Variants in BRINP3 observed in about 807,000 individuals in gnomAD.
BRINP3 encodes BMP/retinoic acid-inducible neural-specific protein 3.
In BRINP3, 19 loss-of-function variants were observed where a neutral mutation model predicts 71.0. The ratio of observed to expected loss-of-function variants is 0.27; its 90% CI spans 0.19 to 0.39. BRINP3 has a LOEUF of 0.39. Among genes scored for constraint, BRINP3 ranks in the 10% least tolerant of loss-of-function variants. The probability of loss-of-function intolerance (pLI) is 1.00; values close to 1 mark genes in which losing one functional copy is unlikely to be tolerated. For synonymous variants in BRINP3, 380 were observed against 337.7 expected (o/e 1.13, Z -1.37); for missense variants, 959 against 940.8 (o/e 1.02, Z -0.25).
intron 2 of BRINP3, among the ~76,000 whole-genome samples, chr1:190,381,004 C>A (rs1310343615): frequency 1.3e-5 from 2 of 151,786 alleles, no homozygotes; most frequent in East Asian, 1.9e-4. Flanking sequence ...AAATATGAGC[C>A]TCAAAAATAC....
intron 3 of BRINP3, among the ~76,000 whole-genome samples, chr1:190,270,493 C>A (rs900973855): frequency 3.3e-5 from 5 of 151,654 alleles, no homozygotes; most frequent in African/African-American, 1.2e-4. Context: ...GGAATATATT[C>A]TGAAGACGAA....
intron 2 of BRINP3, among the ~76,000 whole-genome samples, chr1:190,315,074 G>T (rs1395778169): frequency 2.0e-5 from 3 of 152,036 alleles, no homozygotes; most frequent in African/African-American, 7.2e-5. Flanking sequence ...AAGGGAGAGG[G>T]TAAACAAGAC....
intron 4 of BRINP3, among the ~76,000 whole-genome samples, chr1:190,235,082 TCTC>T (rs140013591): frequency 0.024 from 3,654 of 152,120 alleles, 71 homozygotes; most frequent in Non-Finnish European, 0.036. Context: ...ATTAGAAACT[TCTC>T]CTTTCTCAAC....
At chr1:190,189,765 G>A (rs1290426509) in intron 6 of BRINP3, among the ~76,000 whole-genome samples, 1 of 151,544 alleles carries the variant, frequency 6.6e-6, no homozygotes, top group Non-Finnish European at 1.5e-5. Context: ...CATTTCTTTA[G>A]GCCATATTAT....
In BRINP3 at chr1:190,382,339, T is replaced by C. The variant is rs537694788; in HGVS notation, c.236+72316A>G. On this transcript the variant is annotated intron_variant, in intron 2 of 7. Coordinates refer to ENST00000367462, the MANE Select transcript of BRINP3 (RefSeq NM_199051.3). ...TTTACATTCCTCTCCTAATACACCA[T>C]CACAAATGAAAACACTGTTTCTGGT... Among the ~76,000 whole-genome samples the C allele has an allele frequency of 1.6e-4, 25 of 152,238 alleles. No individual in the cohort carries two copies. In the South Asian group the frequency reaches 5.2e-3, roughly 32 times the overall value.
intron 2 of BRINP3, among the ~76,000 whole-genome samples, chr1:190,370,273 A>C (rs1057241025): frequency 6.6e-6 from 1 of 152,214 alleles, no homozygotes; most frequent in African/African-American, 2.4e-5. Flanking sequence ...GAGAAAGTCT[A>C]AGAAGGAAAT....
intron 2 of BRINP3, among the ~76,000 whole-genome samples, chr1:190,339,963 A>G (rs1667547734): frequency 6.6e-6 from 1 of 151,926 alleles, no homozygotes; most frequent in African/African-American, 2.4e-5. Context: ...TGTCCAATTT[A>G]TTAGACAGGT....
intron 2 of BRINP3, among the ~76,000 whole-genome samples, chr1:190,400,518 T>A: frequency 6.6e-6 from 1 of 152,316 alleles, no homozygotes; most frequent in African/African-American, 2.4e-5. Context: ...AACTATCCAA[T>A]GCTTTTAGTC....
intron 6 of BRINP3, among the ~76,000 whole-genome samples, chr1:190,171,213 A>T (rs1352553908): frequency 6.6e-6 from 1 of 152,154 alleles, no homozygotes. Context: ...ATTGGACATA[A>T]AGAAATCAGC....
chr1:190,460,328 A>T (rs1375797433), intron 1 of BRINP3, among the ~76,000 whole-genome samples: 1 of 151,090 alleles, frequency 6.6e-6, no homozygotes, highest in Non-Finnish European at 1.5e-5. Flanking sequence ...ATAATCATAT[A>T]TAACTATAAT....
At chr1:190,425,337 T>G (rs1673633214) in intron 2 of BRINP3, among the ~76,000 whole-genome samples, 1 of 151,832 alleles carries the variant, frequency 6.6e-6, no homozygotes, top group South Asian at 2.1e-4. Context: ...GCAATACCAA[T>G]TACTTAAAAA....
chr1:190,141,592 T>C (rs1353340654), intron 7 of BRINP3, among the ~76,000 whole-genome samples: 18 of 141,724 alleles, frequency 1.3e-4, no homozygotes, highest in African/African-American at 4.8e-4. Context: ...GACAGAGTCT[T>C]GCTCTGTCAC....
At chr1:190,417,095 G>A (rs1673056410) in intron 2 of BRINP3, among the ~76,000 whole-genome samples, 1 of 152,090 alleles carries the variant, frequency 6.6e-6, no homozygotes. Context: ...GAATTGTGTA[G>A]AATGCCCTAG....
intron 6 of BRINP3, 61 bp downstream of exon 6, chr1:190,226,021 A>T (rs1031714359): frequency 2.7e-6 from 3 of 1,092,692 alleles, no homozygotes; most frequent in Non-Finnish European, 3.9e-6. Context: ...AGGACAAATT[A>T]GCCATTTCAA....
At chr1:190,163,619 T>C (rs1321755361) in intron 6 of BRINP3, among the ~76,000 whole-genome samples, 1 of 152,044 alleles carries the variant, frequency 6.6e-6, no homozygotes, top group Non-Finnish European at 1.5e-5. Context: ...TAATACGTAG[T>C]GAAATGTATT....
chr1:190,395,483 C>G (rs952134343), intron 2 of BRINP3, among the ~76,000 whole-genome samples: 2 of 151,670 alleles, frequency 1.3e-5, no homozygotes, highest in African/African-American at 4.8e-5. Flanking sequence ...ATGAAACAAA[C>G]CATTGCTTCA....
rs749146826 is a variant in BRINP3 at position 190,454,938 on chromosome 1, C to A, written c.-48G>T. On this transcript the variant is annotated splice_region_variant and 5_prime_UTR_variant, in exon 2 of 8. Coordinates refer to ENST00000367462, the MANE Select transcript of BRINP3 (RefSeq NM_199051.3). ...CTTCATTCTCTCAGCTTTCCCTCAA[C>A]ACCTAGACAAAATACACAGGCAATT... The A allele has an allele frequency of 1.6e-4, 232 of 1,479,360 alleles. No individual in the cohort carries two copies. The highest frequency in any genetic ancestry group is 2.0e-4 in the Non-Finnish European group (217 of 1,066,376). 91.6% of individuals were successfully genotyped at this position (1,479,360 alleles called of 1,614,324 possible). A position where few individuals can be genotyped will look rare whatever the true frequency, so the allele number is the denominator to read the frequency against.
chr1:190,303,250 T>C (rs1317146217), intron 2 of BRINP3, among the ~76,000 whole-genome samples: 2 of 151,932 alleles, frequency 1.3e-5, no homozygotes, highest in African/African-American at 4.8e-5. Context: ...AATGTAAACA[T>C]AAATTAAATG....
chr1:190,351,843 A>C (rs995362382), intron 2 of BRINP3, among the ~76,000 whole-genome samples: 7 of 152,254 alleles, frequency 4.6e-5, no homozygotes, highest in Middle Eastern at 3.4e-3. Flanking sequence ...TGAACAAATC[A>C]GTATAAGTAA....
Sources: allele counts gnomAD v4.1 joint callset (sites outside exome capture counted in the v4.1 genomes callset), GRCh38; gene constraint gnomAD v4.1.1; transcripts MANE v1.5; gene names NCBI Gene and HGNC (gene_info 2026-07-23, HGNC 2026-07-21).